RAPGEF5: variants seen among roughly 807,000 people sequenced by gnomAD.
RAPGEF5 encodes the protein M-Ras-regulated GEF.
A neutral mutation model predicts 125.2 loss-of-function variants in RAPGEF5; 65 were observed. That is an observed-to-expected ratio of 0.52 (90% CI 0.43 to 0.64). The LOEUF (loss-of-function observed/expected upper bound fraction) is 0.64. Among genes scored for constraint, RAPGEF5 ranks in the 30% least tolerant of loss-of-function variants. The pLI is 0.00. For synonymous variants in RAPGEF5, 391 were observed against 385.9 expected (o/e 1.01, Z -0.16); for missense variants, 958 against 1,048.1 (o/e 0.91, Z 1.19).
At chr7:22,154,695 T>G in intron 16 of RAPGEF5, 91 bp from the exon 17 acceptor site, 60 of 1,417,656 alleles carry the variant, frequency 4.2e-5, no homozygotes, top group Middle Eastern at 2.5e-4. Context: ...TCAACTTTTC[T>G]AAATCAACCC....
At chr7:22,289,052 C>A (rs997790270) in intron 6 of RAPGEF5, among the ~76,000 whole-genome samples, 7 of 152,214 alleles carry the variant, frequency 4.6e-5, no homozygotes, top group African/African-American at 1.7e-4. Flanking sequence ...TAATTATCAT[C>A]TCCAAATCCT....
chr7:22,314,603 T>C (rs574624824), intron 3 of RAPGEF5: 1 of 978,730 alleles, frequency 1.0e-6, no homozygotes, highest in East Asian at 1.1e-4. Context: ...CTGAGTCCTC[T>C]TCTTACTCTT....
At chr7:22,135,657 T>A (rs565103767) in intron 23 of RAPGEF5, among the ~76,000 whole-genome samples, 2 of 152,216 alleles carry the variant, frequency 1.3e-5, no homozygotes, top group Non-Finnish European at 2.9e-5. Context: ...TAAGTTTAGG[T>A]TGCAAAAATA....
At chr7:22,239,790 T>A (rs1349082034) in intron 7 of RAPGEF5, among the ~76,000 whole-genome samples, 1 of 152,200 alleles carries the variant, frequency 6.6e-6, no homozygotes, top group Non-Finnish European at 1.5e-5. Flanking sequence ...AGGTATCTCA[T>A]ATCGGTTCCT....
At chr7:22,249,580 C>T (rs571831144) in intron 7 of RAPGEF5, among the ~76,000 whole-genome samples, 7 of 152,310 alleles carry the variant, frequency 4.6e-5, no homozygotes, top group African/African-American at 1.7e-4. Context: ...TTTGCTTATT[C>T]CTGACTCTCC....
intron 7 of RAPGEF5, among the ~76,000 whole-genome samples, chr7:22,239,710 A>T (rs1786276903): frequency 6.6e-6 from 1 of 152,162 alleles, no homozygotes. Context: ...CTTTTGATTA[A>T]GATTTAATAT....
At chr7:22,295,654 A>G (rs1165532776) in intron 5 of RAPGEF5, among the ~76,000 whole-genome samples, 2 of 152,226 alleles carry the variant, frequency 1.3e-5, no homozygotes, top group African/African-American at 4.8e-5. Context: ...AGCTGATTTC[A>G]TAACACTTTT....
chr7:22,175,440 C>T (rs1225452062), intron 11 of RAPGEF5, among the ~76,000 whole-genome samples: 2 of 152,196 alleles, frequency 1.3e-5, no homozygotes, highest in African/African-American at 4.8e-5. Flanking sequence ...AGAGCAGTTG[C>T]TCTCACAAGG....
chr7:22,171,191 G>A (rs1784339267), intron 11 of RAPGEF5, among the ~76,000 whole-genome samples: 1 of 152,012 alleles, frequency 6.6e-6, no homozygotes, highest in Admixed American at 6.6e-5. Flanking sequence ...GAACCATGAT[G>A]GTTATATGAA....
chr7:22,204,011 T>C (rs1785341016), intron 9 of RAPGEF5, among the ~76,000 whole-genome samples: 1 of 152,230 alleles, frequency 6.6e-6, no homozygotes, highest in South Asian at 2.1e-4. Context: ...AAACCTACAC[T>C]AAATTATGAT....
intron 13 of RAPGEF5, among the ~76,000 whole-genome samples, chr7:22,161,512 G>C (rs1356440603): frequency 6.7e-6 from 1 of 149,344 alleles, no homozygotes; most frequent in Non-Finnish European, 1.5e-5. Context: ...ACTGCAGCCT[G>C]GGTAGCAGAG....
chr7:22,178,818 T>C (rs192742230), intron 11 of RAPGEF5, among the ~76,000 whole-genome samples: 24 of 152,156 alleles, frequency 1.6e-4, no homozygotes, highest in Admixed American at 1.6e-3. Flanking sequence ...TCAATCTCCA[T>C]CTCCCTCCCC....
At chr7:22,125,728 C>G in intron 24 of RAPGEF5, 70 bp from the exon 25 acceptor site, 1 of 1,404,414 alleles carries the variant, frequency 7.1e-7, no homozygotes, top group East Asian at 2.3e-5. Context: ...GCAGTGCCTG[C>G]TAGGATGGAA....
At chr7:22,232,819 C>G (rs1294423000) in intron 7 of RAPGEF5, among the ~76,000 whole-genome samples, 1 of 152,184 alleles carries the variant, frequency 6.6e-6, no homozygotes, top group Non-Finnish European at 1.5e-5. Context: ...AACTGCACTG[C>G]TTGACTATGC....
At chr7:22,273,460 C>T (rs1182642148) in intron 6 of RAPGEF5, among the ~76,000 whole-genome samples, 16 of 150,746 alleles carry the variant, frequency 1.1e-4, no homozygotes, top group Admixed American at 2.6e-4. Flanking sequence ...CCTTGTGATC[C>T]GCCCGCCTCG....
At chr7:22,184,694 A>G (rs185620755) in intron 11 of RAPGEF5, among the ~76,000 whole-genome samples, 133 of 152,312 alleles carry the variant, frequency 8.7e-4, no homozygotes, top group African/African-American at 3.2e-3. Context: ...GTCTCACTTC[A>G]CTTCACCTTG....
chr7:22,128,847 T>C (rs1332219790), intron 24 of RAPGEF5, among the ~76,000 whole-genome samples: 3 of 152,240 alleles, frequency 2.0e-5, no homozygotes, highest in African/African-American at 7.2e-5. Flanking sequence ...CACCCATTTC[T>C]TCATTCTTTT....
intron 1 of RAPGEF5, among the ~76,000 whole-genome samples, chr7:22,346,835 GT>G (rs2128388257): frequency 6.6e-6 from 1 of 152,228 alleles, no homozygotes; most frequent in South Asian, 2.1e-4. Flanking sequence ...AATACAAACA[GT>G]ACAAAATGAA....
intron 20 of RAPGEF5, 125 bp from the exon 21 acceptor site, chr7:22,140,240 G>T (rs1407450780): frequency 3.7e-6 from 3 of 800,786 alleles, no homozygotes; most frequent in Non-Finnish European, 4.1e-6. Context: ...TACAGCCTAC[G>T]TACCCCTTAC....
Sources: allele counts gnomAD v4.1 joint callset (sites outside exome capture counted in the v4.1 genomes callset), GRCh38; gene constraint gnomAD v4.1.1; transcripts MANE v1.5; gene names NCBI Gene and HGNC (gene_info 2026-07-23, HGNC 2026-07-21).